COG5: variants seen among roughly 807,000 people sequenced by gnomAD.
COG5 encodes the protein component of oligomeric golgi complex 5.
A neutral mutation model predicts 110.4 loss-of-function variants in COG5; 86 were observed. The observed-to-expected ratio is 0.78, with a 90% CI of 0.65 to 0.93. The LOEUF is 0.93. Among genes scored for constraint, COG5 ranks in the 40% least tolerant of loss-of-function variants. The probability of loss-of-function intolerance (pLI) is 0.00; values close to 1 mark genes in which losing one functional copy is unlikely to be tolerated. For synonymous variants in COG5, 360 were observed against 334.6 expected (o/e 1.08, Z -0.83); for missense variants, 1,077 against 987.0 (o/e 1.09, Z -1.22).
At chr7:107,513,211 G>A (rs1215494905) in intron 6 of COG5, among the ~76,000 whole-genome samples, 60 of 151,880 alleles carry the variant, frequency 4.0e-4, no homozygotes, top group African/African-American at 1.2e-3. Context: ...GAAAAAAACA[G>A]ACAACCCCAT....
intron 10 of COG5, among the ~76,000 whole-genome samples, chr7:107,341,414 C>T (rs1811160340): frequency 6.6e-6 from 1 of 152,016 alleles, no homozygotes; most frequent in Non-Finnish European, 1.5e-5. Context: ...TGCTCATGGA[C>T]TGAAAGAATC....
At chr7:107,289,086 A>C (rs1194650354) in intron 12 of COG5, among the ~76,000 whole-genome samples, 2 of 151,092 alleles carry the variant, frequency 1.3e-5, no homozygotes, top group East Asian at 3.9e-4. Flanking sequence ...TCAGCTTCCC[A>C]AAGTGCTGGG....
rs60423657 is a variant in COG5 at position 107,541,523 on chromosome 7, A to AAAAAATATAT, written c.417+6587_417+6588insATATATTTTT. Among the ~76,000 whole-genome samples, 252 of 56,910 alleles carry AAAAAATATAT rather than the reference A, an allele frequency of 4.4e-3. 11 individuals carry two copies. The highest frequency in any genetic ancestry group is 9.9e-3 in the East Asian group (19 of 1,916). 37.3% of individuals were successfully genotyped at this position (56,910 alleles called of 152,430 possible). On this transcript the variant is annotated intron_variant, in intron 5 of 21. Transcript: ENST00000297135. ...AAAAAAAAAAAAAAAAAAAAAAAAAAATATATATATATATATATATGTATT... is the reference window on the plus strand; with the variant it reads ...AAAAAAAAAAAAAAAAAAAAAAAAAAAAAAATATATATATATATATATATATATATGTATT...
At chr7:107,398,212 T>C (rs929933743) in intron 7 of COG5, among the ~76,000 whole-genome samples, 1 of 152,196 alleles carries the variant, frequency 6.6e-6, no homozygotes, top group Admixed American at 6.5e-5. Context: ...AAAAGCAGTC[T>C]ACCAACTTAT....
chr7:107,464,363 C>T (rs781705572), intron 6 of COG5, among the ~76,000 whole-genome samples: 4 of 152,088 alleles, frequency 2.6e-5, no homozygotes, highest in Non-Finnish European at 5.9e-5. Flanking sequence ...ATAATTTTTC[C>T]TCCTCCAGCC....
chr7:107,554,874 T>C (rs1321516639), intron 2 of COG5, among the ~76,000 whole-genome samples: 1 of 152,154 alleles, frequency 6.6e-6, no homozygotes, highest in Non-Finnish European at 1.5e-5. Flanking sequence ...AGTTTCAACA[T>C]ATGAATGTTA....
chr7:107,265,798 T>TAATC (rs1803751357), intron 14 of COG5, among the ~76,000 whole-genome samples: 1 of 152,164 alleles, frequency 6.6e-6, no homozygotes, highest in Admixed American at 6.5e-5. Flanking sequence ...CTCACGCCTG[T>TAATC]AATCCCAGCA....
chr7:107,322,914 C>T (rs935056980), intron 11 of COG5, among the ~76,000 whole-genome samples: 4 of 152,128 alleles, frequency 2.6e-5, no homozygotes, highest in Non-Finnish European at 5.9e-5. Flanking sequence ...TATGCAACAA[C>T]ATGGAAGAAT....
Position 107,415,842 on chromosome 7 carries a change from G to A in COG5, c.539-3210C>T, listed in dbSNP as rs202044811. On this transcript the variant is annotated intron_variant, in intron 6 of 21. Transcript: ENST00000297135. ...CATACACGTATGTATGTATGTGTGT[G>A]TATATATACACACACATACACGTAT... Among the ~76,000 whole-genome samples the A allele has an allele frequency of 5.7e-3, 301 of 52,430 alleles. 18 individuals carry two copies. Among genetic ancestry groups the A allele is most frequent in the African/African-American group, 0.055 (267 of 4,856 alleles). The allele number at this position is 52,430 out of a possible 152,430, so 34.4% of individuals were successfully genotyped here. A position where few individuals can be genotyped will look rare whatever the true frequency, so the allele number is the denominator to read the frequency against.
chr7:107,557,259 A>C (rs938285778), intron 2 of COG5, among the ~76,000 whole-genome samples: 16 of 152,164 alleles, frequency 1.1e-4, no homozygotes, highest in Admixed American at 8.5e-4. Flanking sequence ...TAAACAATCT[A>C]TGTTTCATGC....
intron 3 of COG5, among the ~76,000 whole-genome samples, chr7:107,550,978 T>C (rs1271771443): frequency 1.3e-5 from 2 of 152,142 alleles, no homozygotes; most frequent in East Asian, 1.9e-4. Flanking sequence ...GCCTAGTACT[T>C]AACAAGTTAT....
At chr7:107,414,816 C>G (rs551350224) in intron 6 of COG5, among the ~76,000 whole-genome samples, 23 of 143,902 alleles carry the variant, frequency 1.6e-4, no homozygotes, top group African/African-American at 5.4e-4. Context: ...AACCTCCGCC[C>G]GCTGGGTTCA....
At chr7:107,535,959 T>C (rs999388891) in intron 5 of COG5, among the ~76,000 whole-genome samples, 1 of 152,178 alleles carries the variant, frequency 6.6e-6, no homozygotes, top group East Asian at 1.9e-4. Flanking sequence ...CTATCCACCA[T>C]GATCAACTCG....
At chr7:107,552,190 C>T (rs768578654) in intron 3 of COG5, among the ~76,000 whole-genome samples, 1 of 152,126 alleles carries the variant, frequency 6.6e-6, no homozygotes, top group Non-Finnish European at 1.5e-5. Flanking sequence ...ACTACCATGC[C>T]ATCCTTATTA....
chr7:107,554,793 A>G (rs1480019108), intron 2 of COG5, among the ~76,000 whole-genome samples: 1 of 152,092 alleles, frequency 6.6e-6, no homozygotes, highest in African/African-American at 2.4e-5. Context: ...ATATGATATG[A>G]TAGTATTAAG....
intron 12 of COG5, among the ~76,000 whole-genome samples, chr7:107,284,272 T>C (rs76337668): frequency 6.6e-6 from 1 of 152,304 alleles, no homozygotes; most frequent in East Asian, 1.9e-4. Flanking sequence ...AAATGCACAA[T>C]AATATGCACC....
intron 6 of COG5, among the ~76,000 whole-genome samples, chr7:107,476,482 G>C (rs1797003804): frequency 6.6e-6 from 1 of 151,392 alleles, no homozygotes. Flanking sequence ...AATAAGTCTT[G>C]TCACTTTTCT....
chr7:107,289,301 CTTTTTGA>C (rs1805961672), intron 12 of COG5, among the ~76,000 whole-genome samples: 1 of 152,120 alleles, frequency 6.6e-6, no homozygotes, highest in Non-Finnish European at 1.5e-5. Flanking sequence ...GGTCTTTACA[CTTTTTGA>C]AGACAACTCA....
chr7:107,414,347 A>T (rs1792537807), intron 6 of COG5, among the ~76,000 whole-genome samples: 1 of 152,116 alleles, frequency 6.6e-6, no homozygotes, highest in South Asian at 2.1e-4. Context: ...GTGATGTAGC[A>T]GGAAATGAAA....
Sources: allele counts gnomAD v4.1 joint callset (sites outside exome capture counted in the v4.1 genomes callset), GRCh38; gene constraint gnomAD v4.1.1; transcripts MANE v1.5; gene names NCBI Gene and HGNC (gene_info 2026-07-23, HGNC 2026-07-21).